TPMT: variants seen among roughly 807,000 people sequenced by gnomAD.
The protein encoded by TPMT is thiopurine S-methyltransferase.
A neutral mutation model predicts 34.2 loss-of-function variants in TPMT; 18 were observed. The ratio of observed to expected loss-of-function variants is 0.53; its 90% confidence interval spans 0.36 to 0.78. The LOEUF is 0.78. Among genes scored for constraint, TPMT ranks in the 30% least tolerant of loss-of-function variants. The probability of loss-of-function intolerance (pLI) is 0.00; values close to 1 mark genes in which losing one functional copy is unlikely to be tolerated. For missense variants in TPMT, 265 were observed against 288.1 expected (o/e 0.92, Z 0.58); for synonymous variants, 69 against 92.4 (o/e 0.75, Z 1.45).
At position 18,130,677 on chromosome 6, in the gene TPMT, T is replaced by A. The variant is rs777429960; in HGVS notation, c.729A>T (p.Thr243=). 4 of 1,599,970 alleles carry A rather than the reference T, an allele frequency of 2.5e-6. No homozygotes were observed. The South Asian group carries it at 4.4e-5, about 18-fold the overall frequency. Residue 243 remains threonine, a synonymous_variant, in exon 9 of 9, where the codon ACA becomes ACT. Coordinates refer to ENST00000309983, the MANE Select transcript of TPMT (RefSeq NM_000367.5). The surrounding 1 kb of genome is among the most constrained non-coding windows in gnomAD (Gnocchi z 4.2). Reference sequence around the variant, plus strand: ...TTTATCTATGTCTCATTTACTTTTCTGTAAGTAGATATAACTTTTCAAAAA... The same window carrying A: ...TTTATCTATGTCTCATTTACTTTTCAGTAAGTAGATATAACTTTTCAAAAA... ...DCLFEKLYLL[T]EK is the part of the protein sequence containing the mutation.
chr6:18,150,907 T>A lies in TPMT; in HGVS notation c.-44-1736A>T, dbSNP rs1490308099. Among the ~76,000 whole-genome samples the A allele has an allele frequency of 6.6e-6, 1 of 152,102 alleles. No individual in the cohort carries two copies. The highest frequency in any genetic ancestry group is 1.5e-5 in the Non-Finnish European group (1 of 68,026). On this transcript the variant is annotated intron_variant, in intron 1 of 8. Transcript: ENST00000309983. The surrounding 1 kb of genome is among the most constrained non-coding windows in gnomAD (Gnocchi z 5.3). ...TTTTGTGTTTTTAATAGAGATGAGA[T>A]TTGACCATGTTGGCCAGGCTGGTCT...
Position 18,130,380 on chromosome 6 carries a change from A to C in TPMT, c.*288T>G, listed in dbSNP as rs1036161221. ...ATATTTTTTTAATTGTACAGGTAAC[A>C]CATGCTGATTGGTAAAATATCTTGC... On this transcript the variant is annotated 3_prime_UTR_variant, in exon 9 of 9. Transcript: ENST00000309983. This position sits in a 1 kb window ranked among gnomAD's most constrained non-coding sequence, Gnocchi z 4.2. The C allele has an allele frequency of 5.8e-6, 2 of 346,470 alleles. No homozygotes were observed. Among genetic ancestry groups the C allele is most frequent in the African/African-American group, 2.1e-5 (1 of 47,284 alleles). The allele number at this position is 346,470 out of a possible 1,614,324, so 21.5% of individuals were successfully genotyped here.
At chr6:18,133,285 C>A (rs761200107) in intron 7 of TPMT, among the ~76,000 whole-genome samples, 8 of 152,000 alleles carry the variant, frequency 5.3e-5, no homozygotes, top group Non-Finnish European at 1.0e-4. Flanking sequence ...GAAAACATAC[C>A]CCCAACAGAT....
rs1784181917 is a variant in TPMT at position 18,143,308 on chromosome 6, C to T, written c.366+288G>A. Among the ~76,000 whole-genome samples the T allele has an allele frequency of 6.6e-6, 1 of 152,096 alleles. No individual in the cohort carries two copies. Among genetic ancestry groups the T allele is most frequent in the African/African-American group, 2.4e-5 (1 of 41,412 alleles). ...CTTCAATGTCTTAGGCAGGGTCTGG[C>T]ACATGATGGGTTCTCAGAAAATGCG... On this transcript the variant is annotated intron_variant, in intron 4 of 8. Coordinates refer to ENST00000309983, the MANE Select transcript of TPMT (RefSeq NM_000367.5). This position sits in a 1 kb window ranked among gnomAD's most constrained non-coding sequence, Gnocchi z 6.1.
In TPMT at chr6:18,133,839, A is replaced by T; in HGVS notation, c.545T>A (p.Leu182Gln). The change falls in exon 7 of 9, where the codon CTG (leucine) becomes CAG (glutamine). Residue 182 changes from leucine (L) to glutamine (Q), a missense_variant. Physicochemically the swap from Leu to Gln is moderately radical, Grantham distance 113. Transcript: ENST00000309983. ...SLLGKKFQYL[L>Q]CVLSYDPTKH... ...AGTTGGATCATAAGAAAGAACACACAGGAGATACTGAAACTTCTTTCCCAG... is the reference window on the plus strand; with the variant it reads ...AGTTGGATCATAAGAAAGAACACACTGGAGATACTGAAACTTCTTTCCCAG... The T allele has an allele frequency of 6.2e-7, 1 of 1,613,814 alleles. No homozygotes were observed. Among genetic ancestry groups the T allele is most frequent in the African/African-American group, 1.3e-5 (1 of 74,996 alleles).
rs201695576 is a variant in TPMT at position 18,133,887 on chromosome 6, T to C, written c.497A>G (p.Tyr166Cys). 2.2e-5 allele frequency: 35 copies of C among 1,610,660 alleles called. No individual in the cohort carries two copies. Among genetic ancestry groups the C allele is most frequent in the Non-Finnish European group, 3.0e-5 (35 of 1,177,024 alleles). The change falls in exon 7 of 9, where the codon TAT (tyrosine) becomes TGT (cysteine). Residue 166 changes from tyrosine to cysteine, a missense_variant and splice_region_variant. Physicochemically the swap from Tyr to Cys is radical, Grantham distance 194. Coordinates refer to ENST00000309983, the MANE Select transcript of TPMT (RefSeq NM_000367.5). ...VAINPGDRKC[Y>C]ADTMFSLLGK... ...CAGGAGGGAAAACATTGTATCTGCA[T>C]AGCTACAAAGAACACAAGAAGGTAT...
chr6:18,130,722 T>A lies in TPMT; in HGVS notation c.684A>T (p.Lys228Asn). The part of the protein sequence containing the change: ...EKVDAFEERH[K>N]SWGIDCLFEK... ...CAAAAAGACAGTCAATTCCCCAACTTTTATGTCGTTCTTCAAAAGCATCAA... is the reference window on the plus strand; with the variant it reads ...CAAAAAGACAGTCAATTCCCCAACTATTATGTCGTTCTTCAAAAGCATCAA... The change falls in exon 9 of 9, where the codon AAA (lysine) becomes AAT (asparagine). Residue 228 changes from lysine (K) to asparagine (N), a missense_variant. By Grantham distance (94) the Lys-to-Asn change is moderately conservative. Coordinates refer to ENST00000309983, the MANE Select transcript of TPMT (RefSeq NM_000367.5). The surrounding 1 kb of genome is among the most constrained non-coding windows in gnomAD (Gnocchi z 4.2). 1 of 1,613,414 alleles carries A rather than the reference T, an allele frequency of 6.2e-7. No homozygotes were observed. The highest frequency in any genetic ancestry group is 8.5e-7 in the Non-Finnish European group (1 of 1,179,918).
chr6:18,155,124 C>CGCGCCCCGCCTCCGCCA (rs1784472259), upstream of TPMT: 2 of 8,740 alleles, frequency 2.3e-4, no homozygotes, highest in Admixed American at 1.3e-3. This position sits in a 1 kb window ranked among gnomAD's most constrained non-coding sequence, Gnocchi z 6.2. Context: ...GCCACTTCTC[C>CGCGCCCCGCCTCCGCCA]GCGCCCCGCC....
rs1417834531 is a variant in TPMT at position 18,148,557 on chromosome 6, C to T, written c.140+431G>A. On this transcript the variant is annotated intron_variant, in intron 2 of 8. Transcript: ENST00000309983. The surrounding 1 kb of genome is among the most constrained non-coding windows in gnomAD (Gnocchi z 4.1). Reference sequence around the variant, plus strand: ...AACATCCTAACTCACTTTATAATTTCTCGCAACTTCTTTTCTCCCACCATA... The same window carrying T: ...AACATCCTAACTCACTTTATAATTTTTCGCAACTTCTTTTCTCCCACCATA... Among the ~76,000 whole-genome samples the T allele has an allele frequency of 6.6e-6, 1 of 152,184 alleles. No individual in the cohort carries two copies. Among genetic ancestry groups the T allele is most frequent in the Non-Finnish European group, 1.5e-5 (1 of 68,020 alleles).
In TPMT at chr6:18,135,662, G is replaced by A. The variant is rs1262316133; in HGVS notation, c.495-1773C>T. ...CGAGGTGGGCAGATCACCTGAGGTC[G>A]GGAGTTCGAGACCAGCCTGACCAAC... is the stretch of plus-strand genomic sequence containing the variant. On this transcript the variant is annotated intron_variant, in intron 6 of 8. Transcript: ENST00000309983. This position sits in a 1 kb window ranked among gnomAD's most constrained non-coding sequence, Gnocchi z 5.0. 2.0e-5 allele frequency among the ~76,000 whole-genome samples: 3 copies of A among 151,664 alleles called. No individual in the cohort carries two copies. Among genetic ancestry groups the A allele is most frequent in the South Asian group, 2.1e-4 (1 of 4,804 alleles).
At position 18,149,044 on chromosome 6, in the gene TPMT, T is replaced by C; in HGVS notation, c.84A>G (p.Glu28=). 1 of 1,614,188 alleles carries C rather than the reference T, an allele frequency of 6.2e-7. No homozygotes were observed. Among genetic ancestry groups the C allele is most frequent in the Non-Finnish European group, 8.5e-7 (1 of 1,180,020 alleles). The change falls in exon 2 of 9, where the codon GAA becomes GAG. Residue 28 remains glutamate, a synonymous_variant. Coordinates refer to ENST00000309983, the MANE Select transcript of TPMT (RefSeq NM_000367.5). The surrounding 1 kb of genome is among the most constrained non-coding windows in gnomAD (Gnocchi z 5.0). ...TGCCGTTCACCCACTTGTCTTGCCA[T>C]TCTTCCAGAGTTAGTACTTGGTTTT... ...VQKNQVLTLE[E]WQDKWVNGKT...
rs182632836 is a variant in TPMT at position 18,148,542 on chromosome 6, C to T, written c.140+446G>A. 6.6e-6 allele frequency among the ~76,000 whole-genome samples: 1 copy of T among 152,348 alleles called. No individual in the cohort carries two copies. Among genetic ancestry groups the T allele is most frequent in the Admixed American group, 6.5e-5 (1 of 15,308 alleles). Reference sequence around the variant, plus strand: ...ACTACTACATTGCACAACATCCTAACTCACTTTATAATTTCTCGCAACTTC... The same window carrying T: ...ACTACTACATTGCACAACATCCTAATTCACTTTATAATTTCTCGCAACTTC... On this transcript the variant is annotated intron_variant, in intron 2 of 8. Coordinates refer to ENST00000309983, the MANE Select transcript of TPMT (RefSeq NM_000367.5). This position sits in a 1 kb window ranked among gnomAD's most constrained non-coding sequence, Gnocchi z 4.1.
rs1019131715 is a variant in TPMT, at chr6:18,136,887, G to T, written c.494+2076C>A. 6.6e-6 allele frequency among the ~76,000 whole-genome samples: 1 copy of T among 152,174 alleles called. No individual in the cohort carries two copies. Among genetic ancestry groups the T allele is most frequent in the Non-Finnish European group, 1.5e-5 (1 of 68,032 alleles). ...GGACAAATATTGGCAATTTTTGGGTGAGAGCATAAGGCTGAGGATGGTGGT... is the reference window on the plus strand; with the variant it reads ...GGACAAATATTGGCAATTTTTGGGTTAGAGCATAAGGCTGAGGATGGTGGT... On this transcript the variant is annotated intron_variant, in intron 6 of 8. Coordinates refer to ENST00000309983, the MANE Select transcript of TPMT (RefSeq NM_000367.5). The surrounding 1 kb of genome is among the most constrained non-coding windows in gnomAD (Gnocchi z 4.7).
Position 18,149,058 on chromosome 6 carries a change from G to A in TPMT, c.70C>T (p.Leu24=), listed in dbSNP as rs16880307. The change falls in exon 2 of 9, where the codon CTA becomes TTA. Residue 24 remains leucine (L), a synonymous_variant. Coordinates refer to ENST00000309983, the MANE Select transcript of TPMT (RefSeq NM_000367.5). This position sits in a 1 kb window ranked among gnomAD's most constrained non-coding sequence, Gnocchi z 5.0. Reference sequence around the variant, plus strand: ...TTGTCTTGCCATTCTTCCAGAGTTAGTACTTGGTTTTTCTGTACCTCAGTA... The same window carrying A: ...TTGTCTTGCCATTCTTCCAGAGTTAATACTTGGTTTTTCTGTACCTCAGTA... ...SDTEVQKNQV[L]TLEEWQDKWV... is the part of the protein sequence containing the mutation. The A allele has an allele frequency of 2.5e-6, 4 of 1,613,948 alleles. No individual in the cohort carries two copies. The highest frequency in any genetic ancestry group is 2.7e-5 in the African/African-American group (2 of 74,904).
Position 18,138,926 on chromosome 6 carries a change from A to C in TPMT, c.494+37T>G. 1 of 1,575,152 alleles carries C rather than the reference A, an allele frequency of 6.3e-7. No individual in the cohort carries two copies. The highest frequency in any genetic ancestry group is 8.7e-7 in the Non-Finnish European group (1 of 1,146,996). On this transcript the variant is annotated intron_variant, in intron 6 of 8. Coordinates refer to ENST00000309983, the MANE Select transcript of TPMT (RefSeq NM_000367.5). The surrounding 1 kb of genome is among the most constrained non-coding windows in gnomAD (Gnocchi z 4.1). ...CAGAAAAAGTATAGTATACTAAAAA[A>C]TTAAGACAGCTAAACAAAAAAAGAA...
chr6:18,133,896 A>G lies in TPMT; in HGVS notation c.495-7T>C. The G allele has an allele frequency of 1.2e-6, 2 of 1,608,390 alleles. No homozygotes were observed. The highest frequency in any genetic ancestry group is 1.7e-6 in the Non-Finnish European group (2 of 1,174,752). On this transcript the variant is annotated splice_region_variant and splice_polypyrimidine_tract_variant and intron_variant, in intron 6 of 8. Coordinates refer to ENST00000309983, the MANE Select transcript of TPMT (RefSeq NM_000367.5). ...AAACATTGTATCTGCATAGCTACAA[A>G]GAACACAAGAAGGTATTTGTTACAT...
rs1784098392 is a variant in TPMT, at chr6:18,139,347, G to A, written c.420-310C>T. ...CAGGTATCAGGGACTTTCAGGAGATGAGCTCTTATCTCCCTTGGCTACTTG... is the reference window on the plus strand; with the variant it reads ...CAGGTATCAGGGACTTTCAGGAGATAAGCTCTTATCTCCCTTGGCTACTTG... On this transcript the variant is annotated intron_variant, in intron 5 of 8. Transcript: ENST00000309983. This position sits in a 1 kb window ranked among gnomAD's most constrained non-coding sequence, Gnocchi z 4.2. Among the ~76,000 whole-genome samples the A allele has an allele frequency of 6.6e-6, 1 of 152,192 alleles. No homozygotes were observed. The highest frequency in any genetic ancestry group is 1.5e-5 in the Non-Finnish European group (1 of 68,028).
chr6:18,148,793 A>G lies in TPMT; in HGVS notation c.140+195T>C, dbSNP rs1470190171. On this transcript the variant is annotated intron_variant, in intron 2 of 8. Transcript: ENST00000309983. This position sits in a 1 kb window ranked among gnomAD's most constrained non-coding sequence, Gnocchi z 4.1. ...ATTTGTAAGCCACACCATTATTTAC[A>G]CACTGTGGGAAGAAAAGACTCTGCC... 6.6e-6 allele frequency among the ~76,000 whole-genome samples: 1 copy of G among 152,232 alleles called. No individual in the cohort carries two copies. The highest frequency in any genetic ancestry group is 2.4e-5 in the African/African-American group (1 of 41,458).
intron 7 of TPMT, 46 bp downstream of exon 7, chr6:18,133,758 A>G (rs1318969779): frequency 1.4e-6 from 2 of 1,398,732 alleles, no homozygotes; most frequent in African/African-American, 1.5e-5. Flanking sequence ...TATATCAAGA[A>G]ACTAGGCAAC....
Sources: gnomAD v4.1 joint callset for allele counts (sites outside exome capture counted in the v4.1 genomes callset) on GRCh38, gnomAD v4.1.1 for gene constraint, Gnocchi (gnomAD v3.1) non-coding constraint, MANE v1.5 for transcripts, NCBI Gene and HGNC (gene_info 2026-07-23, HGNC 2026-07-21) for gene names.